RERE: variants seen among roughly 807,000 people sequenced by gnomAD.
The protein encoded by RERE is arginine-glutamic acid dipeptide repeats.
In RERE, 40 loss-of-function variants were observed where a neutral mutation model predicts 146.1. The ratio of observed to expected loss-of-function variants is 0.27; its 90% CI spans 0.21 to 0.36. The LOEUF (loss-of-function observed/expected upper bound fraction) is 0.36. Ranked by LOEUF, RERE falls within the 10% of genes least tolerant of loss-of-function variation. The probability of loss-of-function intolerance (pLI) is 1.00; values close to 1 mark genes in which losing one functional copy is unlikely to be tolerated. For synonymous variants in RERE, 1,003 were observed against 866.0 expected, an observed-to-expected ratio of 1.16 and a Z score of -2.78; for missense variants, 1,933 against 2,138.7, an observed-to-expected ratio of 0.90 and a Z score of 1.90.
At chr1:8,696,408 T>C (rs1639331336) in intron 1 of RERE, among the ~76,000 whole-genome samples, 1 of 151,470 alleles carries the variant, frequency 6.6e-6, no homozygotes, top group South Asian at 2.1e-4. Context: ...AGCTCAAGAG[T>C]TGGGAGACTA....
At chr1:8,750,452 A>G (rs1047077653) in intron 1 of RERE, 4 of 909,930 alleles carry the variant, frequency 4.4e-6, no homozygotes, top group Non-Finnish European at 5.4e-6. Flanking sequence ...TGAAGAGAAG[A>G]AGGTGGTTCC....
intron 10 of RERE, among the ~76,000 whole-genome samples, chr1:8,490,851 G>A (rs1340951885): frequency 6.6e-6 from 1 of 150,658 alleles, no homozygotes; most frequent in Non-Finnish European, 1.5e-5. Flanking sequence ...TGTTGGAAAT[G>A]TTTTGTATCT....
intron 3 of RERE, among the ~76,000 whole-genome samples, chr1:8,620,329 C>T (rs1449526663): frequency 6.6e-6 from 1 of 152,202 alleles, no homozygotes; most frequent in Non-Finnish European, 1.5e-5. Context: ...GCTGTGCACA[C>T]ACTTCCCTTG....
At chr1:8,500,261 T>C (rs545956213) in intron 8 of RERE, among the ~76,000 whole-genome samples, 34 of 152,348 alleles carry the variant, frequency 2.2e-4, no homozygotes, top group Non-Finnish European at 4.3e-4. Flanking sequence ...ATGTCTGTTA[T>C]TAATCGAAAA....
At chr1:8,487,022 T>A (rs2092860) in intron 10 of RERE, among the ~76,000 whole-genome samples, 7,453 of 152,200 alleles carry the variant, frequency 0.049, 604 homozygotes, top group African/African-American at 0.17. Context: ...TCTCTCATGA[T>A]CACAAATGTA....
At chr1:8,500,155 T>C (rs1028136352) in intron 8 of RERE, among the ~76,000 whole-genome samples, 2 of 151,976 alleles carry the variant, frequency 1.3e-5, no homozygotes, top group Non-Finnish European at 2.9e-5. Context: ...ACAACAACAA[T>C]AACACAACAA....
chr1:8,363,873 A>C, intron 15 of RERE, 183 bp downstream of exon 15: 1 of 619,026 alleles, frequency 1.6e-6, no homozygotes, highest in Non-Finnish European at 2.8e-6. Context: ...GGCCCCTCGA[A>C]GGAGAGAACA....
intron 12 of RERE, among the ~76,000 whole-genome samples, chr1:8,406,878 C>T (rs1415379490): frequency 6.6e-6 from 1 of 152,138 alleles, no homozygotes; most frequent in Non-Finnish European, 1.5e-5. Context: ...AGAGTCAGAG[C>T]TCATACAACT....
chr1:8,520,231 T>C (rs1012615281), intron 7 of RERE, among the ~76,000 whole-genome samples: 15 of 152,172 alleles, frequency 9.9e-5, no homozygotes, highest in African/African-American at 2.2e-4. Context: ...TGAGAGGCCA[T>C]TGATCCAATC....
At chr1:8,806,957 A>G (rs968448040) in intron 1 of RERE, 1 of 152,264 alleles carries the variant, frequency 6.6e-6, no homozygotes, top group Non-Finnish European at 1.5e-5. Context: ...ATGCCATAGC[A>G]GTTATCACTG....
chr1:8,362,585 C>T, intron 16 of RERE, 98 bp downstream of exon 16: 1 of 1,460,184 alleles, frequency 6.8e-7, no homozygotes, highest in Non-Finnish European at 9.5e-7. Flanking sequence ...GAATGAGCTG[C>T]ATCCTCGTGT....
At chr1:8,787,036 C>A in intron 1 of RERE, 1 of 552,172 alleles carries the variant, frequency 1.8e-6, no homozygotes. Context: ...TGATGAAAAC[C>A]TTCCAGTGGC....
chr1:8,806,314 C>A (rs1421847945), intron 1 of RERE, among the ~76,000 whole-genome samples: 2 of 152,004 alleles, frequency 1.3e-5, no homozygotes, highest in Admixed American at 1.3e-4. Context: ...GGCAGATCAC[C>A]GGAGGTCAGG....
chr1:8,365,417 G>A (rs924571052), intron 13 of RERE, among the ~76,000 whole-genome samples: 16 of 152,144 alleles, frequency 1.1e-4, no homozygotes, highest in Non-Finnish European at 1.8e-4. Context: ...AAAGAAGAAA[G>A]TGTTAATCTG....
intron 1 of RERE, among the ~76,000 whole-genome samples, chr1:8,765,647 C>T (rs1055401477): frequency 6.6e-6 from 1 of 152,060 alleles, no homozygotes; most frequent in Admixed American, 6.6e-5. Context: ...GGTGAAACCC[C>T]ATCTCTACTA....
intron 12 of RERE, among the ~76,000 whole-genome samples, chr1:8,405,626 T>C (rs776519753): frequency 6.6e-6 from 1 of 152,192 alleles, no homozygotes; most frequent in Non-Finnish European, 1.5e-5. Context: ...CATCTCTTAG[T>C]GATGGAATTA....
chr1:8,761,314 C>A (rs1640752364), intron 1 of RERE, among the ~76,000 whole-genome samples: 1 of 152,118 alleles, frequency 6.6e-6, no homozygotes, highest in African/African-American at 2.4e-5. Context: ...CTTCAACTAC[C>A]CCATTCTCAG....
chr1:8,499,526 T>G (rs1356415771), intron 8 of RERE, among the ~76,000 whole-genome samples: 1 of 152,208 alleles, frequency 6.6e-6, no homozygotes, highest in Non-Finnish European at 1.5e-5. Flanking sequence ...ATCCTCCATC[T>G]TTTTCCAAAT....
intron 1 of RERE, among the ~76,000 whole-genome samples, chr1:8,675,495 C>CAAAAAAAAAAA (rs56912804): frequency 2.6e-4 from 23 of 90,196 alleles, no homozygotes; most frequent in South Asian, 7.3e-4. Context: ...CCCATCTCTA[C>CAAAAAAAAAAA]AAAAAAAAAA....
Sources: gnomAD v4.1 joint callset for allele counts (sites outside exome capture counted in the v4.1 genomes callset) on GRCh38, gnomAD v4.1.1 for gene constraint, MANE v1.5 for transcripts, NCBI Gene and HGNC (gene_info 2026-07-23, HGNC 2026-07-21) for gene names.